IGFL2: variants seen among roughly 807,000 people sequenced by gnomAD.
IGFL2 encodes insulin growth factor-like family member 2.
Under a neutral mutation model 13.9 loss-of-function variants are expected in IGFL2, and 7 were observed. That is an observed-to-expected ratio of 0.51 (90% CI 0.29 to 0.95). IGFL2 has a LOEUF of 0.95. Among genes scored for constraint, IGFL2 ranks in the 40% least tolerant of loss-of-function variants. The pLI, the probability that IGFL2 is intolerant of heterozygous loss-of-function variation, is 0.08. For synonymous variants in IGFL2, 55 were observed against 55.8 expected (o/e 0.99, Z 0.07); for missense variants, 138 against 147.8 (o/e 0.93, Z 0.34).
intron 1 of IGFL2, among the ~76,000 whole-genome samples, chr19:46,156,615 A>G (rs1973837253): frequency 1.3e-5 from 2 of 152,224 alleles, no homozygotes; most frequent in African/African-American, 2.4e-5. Flanking sequence ...AATACAATAT[A>G]TCAAAATTTA....
upstream of IGFL2, among the ~76,000 whole-genome samples, chr19:46,141,306 A>T (rs547226866): frequency 1.1e-4 from 16 of 152,288 alleles, no homozygotes; most frequent in Middle Eastern, 6.8e-3. Context: ...TAAACACATG[A>T]GCAAGGTGAT....
rs957783591 is a variant in IGFL2 at position 46,155,436 on chromosome 19, G to A, written c.20-4979G>A. ...GTGGCTTAAATGCCCTCAGACTCTCGCTGCTCTATACAGATTGAGTGGAAT... is the reference window on the plus strand; with the variant it reads ...GTGGCTTAAATGCCCTCAGACTCTCACTGCTCTATACAGATTGAGTGGAAT... On this transcript the variant is annotated intron_variant, in intron 1 of 3. Coordinates refer to ENST00000377693, the MANE Select transcript of IGFL2 (RefSeq NM_001135113.2). 5.3e-5 allele frequency among the ~76,000 whole-genome samples: 8 copies of A among 152,236 alleles called. 1 individual carries two copies. The South Asian group carries it at 8.3e-4, about 16-fold the overall frequency.
the IGFL2 span, among the ~76,000 whole-genome samples, chr19:46,193,222 A>T: frequency 1.3e-5 from 2 of 152,064 alleles, no homozygotes; most frequent in East Asian, 3.9e-4. Flanking sequence ...CAAAACAAAG[A>T]AAAAACAGTT....
the IGFL2 span, among the ~76,000 whole-genome samples, chr19:46,171,958 C>A: frequency 2.0e-5 from 3 of 150,848 alleles, no homozygotes; most frequent in Non-Finnish European, 4.4e-5. Flanking sequence ...GAACTTTCAC[C>A]AGGAATCTGA....
chr19:46,098,924 C>A, the IGFL2 span, among the ~76,000 whole-genome samples: 3 of 152,154 alleles, frequency 2.0e-5, no homozygotes, highest in African/African-American at 7.2e-5. Flanking sequence ...TGTCGTTGGT[C>A]TTTGTACTTC....
the IGFL2 span, among the ~76,000 whole-genome samples, chr19:46,178,358 C>G: frequency 2.7e-5 from 4 of 148,178 alleles, no homozygotes; most frequent in African/African-American, 1.1e-4. Flanking sequence ...ACCTGACTGT[C>G]TTATAACATC....
chr19:46,139,891 A>G (rs987077664), upstream of IGFL2, among the ~76,000 whole-genome samples: 2 of 151,980 alleles, frequency 1.3e-5, no homozygotes. Context: ...ATATGTGTAT[A>G]TGTATATATG....
At chr19:46,180,201 CAG>C in the IGFL2 span, among the ~76,000 whole-genome samples, 3 of 142,428 alleles carry the variant, frequency 2.1e-5, no homozygotes, top group East Asian at 4.2e-4. Context: ...TTTTCTGAGA[CAG>C]AGTCTCCCTC....
At chr19:46,097,676 T>C in the IGFL2 span, among the ~76,000 whole-genome samples, 67 of 152,368 alleles carry the variant, frequency 4.4e-4, no homozygotes, top group African/African-American at 1.6e-3. Context: ...AATACTGCTT[T>C]AGCTGCATCC....
chr19:46,124,718 A>T, the IGFL2 span: 21 of 1,354,430 alleles, frequency 1.6e-5, no homozygotes, highest in Non-Finnish European at 2.1e-5. Context: ...AGACAGCCTA[A>T]ATGGGGTTGT....
At chr19:46,129,406 C>T in the IGFL2 span, among the ~76,000 whole-genome samples, 1 of 150,016 alleles carries the variant, frequency 6.7e-6, no homozygotes, top group East Asian at 2.0e-4. Flanking sequence ...CTTCTGCCGG[C>T]TTTGGGGTTT....
At chr19:46,160,157 C>T in intron 1 of IGFL2, 1 of 507,758 alleles carries the variant, frequency 2.0e-6, no homozygotes, top group Non-Finnish European at 3.6e-6. Context: ...TAAACTTCAG[C>T]ATATTCTTAG....
At chr19:46,195,150 G>A in the IGFL2 span, 2 of 151,430 alleles carry the variant, frequency 1.3e-5, no homozygotes, top group African/African-American at 2.4e-5. Flanking sequence ...CAAGTAGCTG[G>A]GACTGCAGGT....
chr19:46,212,256 A>G, the IGFL2 span: 1 of 152,282 alleles, frequency 6.6e-6, no homozygotes, highest in South Asian at 2.1e-4. Context: ...GCACTCTGGT[A>G]TTTATCATGA....
the IGFL2 span, chr19:46,196,956 TC>T: frequency 5.1e-6 from 1 of 195,586 alleles, no homozygotes; most frequent in South Asian, 1.2e-4. Flanking sequence ...GGGGTGTGGC[TC>T]CCAGGAGATC....
At chr19:46,084,604 C>A in the IGFL2 span, among the ~76,000 whole-genome samples, 1 of 152,114 alleles carries the variant, frequency 6.6e-6, no homozygotes, top group Non-Finnish European at 1.5e-5. Flanking sequence ...TCTGAGGAGG[C>A]CTCAGGAAGC....
chr19:46,150,861 C>G (rs557324660), intron 1 of IGFL2, among the ~76,000 whole-genome samples: 1 of 152,244 alleles, frequency 6.6e-6, no homozygotes, highest in South Asian at 2.1e-4. Flanking sequence ...GAGACGATGT[C>G]TCACTGTGTT....
intron 1 of IGFL2, among the ~76,000 whole-genome samples, chr19:46,154,532 C>T (rs1973702748): frequency 6.6e-6 from 1 of 152,166 alleles, no homozygotes; most frequent in Non-Finnish European, 1.5e-5. Flanking sequence ...CAAGCTCTGC[C>T]TCCTGGGTTC....
chr19:46,109,064 C>T, the IGFL2 span, among the ~76,000 whole-genome samples: 1 of 152,156 alleles, frequency 6.6e-6, no homozygotes, highest in Admixed American at 6.5e-5. Flanking sequence ...GTCCCCCTCC[C>T]CCGGGTCTTT....
Sources: gnomAD v4.1 joint callset for allele counts (sites outside exome capture counted in the v4.1 genomes callset) on GRCh38, gnomAD v4.1.1 for gene constraint, MANE v1.5 for transcripts, NCBI Gene and HGNC (gene_info 2026-07-23, HGNC 2026-07-21) for gene names.